Variants in NMNAT3 observed in about 807,000 individuals in gnomAD.
The protein encoded by NMNAT3 is nicotinamide/nicotinic acid mononucleotide adenylyltransferase 3.
In NMNAT3, 21 loss-of-function variants were observed where a neutral mutation model predicts 24.8. That is an observed-to-expected ratio of 0.85 (90% confidence interval 0.60 to 1.22). The LOEUF (loss-of-function observed/expected upper bound fraction) is 1.22, where lower values mean the gene tolerates loss of function less well. Ranked by LOEUF, NMNAT3 falls within the 50% of genes most tolerant of loss-of-function variation. NMNAT3 has a pLI of 0.00. For synonymous variants in NMNAT3, 136 were observed against 155.2 expected (o/e 0.88, Z 0.92); for missense variants, 387 against 436.6 (o/e 0.89, Z 1.01).
chr3:139,591,431 AAGC>A (rs1467232004), intron 3 of NMNAT3, among the ~76,000 whole-genome samples: 1 of 152,108 alleles, frequency 6.6e-6, no homozygotes, highest in Non-Finnish European at 1.5e-5. Flanking sequence ...TAGGTAAACA[AAGC>A]AGCCGGGAAG....
At chr3:139,673,451 T>A (rs189493809) in intron 1 of NMNAT3, among the ~76,000 whole-genome samples, 1 of 152,154 alleles carries the variant, frequency 6.6e-6, no homozygotes. Context: ...TTACCAGGAT[T>A]TATAGAAAAA....
At chr3:139,674,566 C>G (rs1383199138) in intron 1 of NMNAT3, among the ~76,000 whole-genome samples, 1 of 152,202 alleles carries the variant, frequency 6.6e-6, no homozygotes, top group Admixed American at 6.5e-5. Flanking sequence ...TGATAAAATA[C>G]CTGAACTTGA....
intron 1 of NMNAT3, among the ~76,000 whole-genome samples, chr3:139,649,651 C>T (rs780842765): frequency 2.6e-5 from 4 of 152,140 alleles, no homozygotes; most frequent in Non-Finnish European, 2.9e-5. Context: ...AGCTATTGTA[C>T]GCAGCCCTCC....
Position 139,579,106 on chromosome 3 carries a change from C to T in NMNAT3, c.392-51G>A, listed in dbSNP as rs536792700. ...GCACATACAGACAGATGCTCACCACCTGGCAGCCTGAATTCAGGCAGGTGC... is the reference window on the plus strand; with the variant it reads ...GCACATACAGACAGATGCTCACCACTTGGCAGCCTGAATTCAGGCAGGTGC... On this transcript the variant is annotated intron_variant, in intron 4 of 6. Coordinates refer to ENST00000643695, the MANE Select transcript of NMNAT3 (RefSeq NM_001320510.2). 1.4e-4 allele frequency: 208 copies of T among 1,502,226 alleles called. 1 individual carries two copies. In the South Asian group the frequency reaches 2.4e-3, roughly 18 times the overall value. 93.1% of individuals were successfully genotyped at this position (1,502,226 alleles called of 1,614,324 possible).
rs576425248 is a variant in NMNAT3 at position 139,655,288 on chromosome 3, G to A, written c.-140-17226C>T. ...ACGGTGGTGGCTGGTAAGCCTCTGCGTGGTTTTATGCAAGAGAGTGATCAG... is the reference window on the plus strand; with the variant it reads ...ACGGTGGTGGCTGGTAAGCCTCTGCATGGTTTTATGCAAGAGAGTGATCAG... On this transcript the variant is annotated intron_variant, in intron 1 of 6. Transcript: ENST00000643695. Among the ~76,000 whole-genome samples, 12 of 152,268 alleles carry A rather than the reference G, an allele frequency of 7.9e-5. No individual in the cohort carries two copies. In the South Asian group the frequency reaches 2.5e-3, roughly 32 times the overall value.
At chr3:139,589,004 G>C (rs536614723) in intron 3 of NMNAT3, among the ~76,000 whole-genome samples, 30 of 152,230 alleles carry the variant, frequency 2.0e-4, no homozygotes, top group Non-Finnish European at 3.2e-4. Flanking sequence ...CCTGCATTTA[G>C]GGCCTGATCT....
chr3:139,583,156 A>G lies in NMNAT3; in HGVS notation c.162T>C (p.Ser54=). ...GAAAAGAAATATCTTTTATTGAGATAGACTGAGGTCCAGGAAAAACAAGTG... is the reference window on the plus strand; with the variant it reads ...GAAAAGAAATATCTTTTATTGAGATGGACTGAGGTCCAGGAAAAACAAGTG... Residue 54 remains serine (S), a synonymous_variant, in exon 4 of 7, where the codon TCT becomes TCC. Transcript: ENST00000643695. 7.4e-7 allele frequency: 1 copy of G among 1,349,428 alleles called. No individual in the cohort carries two copies. Among genetic ancestry groups the G allele is most frequent in the Non-Finnish European group, 1.1e-6 (1 of 946,804 alleles). 83.6% of individuals were successfully genotyped at this position (1,349,428 alleles called of 1,614,324 possible). A position where few individuals can be genotyped will look rare whatever the true frequency, so the allele number is the denominator to read the frequency against.
At chr3:139,563,794 C>T (rs779449208) in intron 6 of NMNAT3, among the ~76,000 whole-genome samples, 9 of 152,086 alleles carry the variant, frequency 5.9e-5, no homozygotes, top group African/African-American at 1.7e-4. Context: ...ATTTTTAGAC[C>T]GAGTGACTCT....
chr3:139,564,490 C>T (rs1936878453), intron 6 of NMNAT3, among the ~76,000 whole-genome samples: 1 of 152,194 alleles, frequency 6.6e-6, no homozygotes, highest in African/African-American at 2.4e-5. Flanking sequence ...GCCACCTTCA[C>T]AAAAGACAGA....
chr3:139,560,893 T>C lies in NMNAT3; in HGVS notation c.*117A>G. ...AGACTCCTCAGAAGTAGAATCACTG[T>C]AGAAATAAAGCAAATGAAAAATGGA... is the stretch of plus-strand genomic sequence containing the variant. On this transcript the variant is annotated 3_prime_UTR_variant, in exon 7 of 7. Transcript: ENST00000643695. 9.7e-7 allele frequency: 1 copy of C among 1,027,114 alleles called. No individual in the cohort carries two copies. Among genetic ancestry groups the C allele is most frequent in the Non-Finnish European group, 1.4e-6 (1 of 694,568 alleles). 63.6% of individuals were successfully genotyped at this position (1,027,114 alleles called of 1,614,324 possible).
intron 3 of NMNAT3, among the ~76,000 whole-genome samples, chr3:139,592,461 A>G (rs2054241830): frequency 6.6e-6 from 1 of 152,232 alleles, no homozygotes; most frequent in Non-Finnish European, 1.5e-5. Context: ...TTCAGGAAAT[A>G]CAGAGAACTC....
intron 1 of NMNAT3, among the ~76,000 whole-genome samples, chr3:139,667,980 G>GT (rs1312944678): frequency 1.1e-4 from 16 of 152,344 alleles, no homozygotes; most frequent in African/African-American, 3.8e-4. Context: ...GGGAAAGGAT[G>GT]TGATAGAGAT....
In NMNAT3 at chr3:139,582,973, G is replaced by A; in HGVS notation, c.345C>T (p.Ser115=). The A allele has an allele frequency of 1.3e-6, 2 of 1,564,696 alleles. No individual in the cohort carries two copies. Among genetic ancestry groups the A allele is most frequent in the Non-Finnish European group, 1.7e-6 (2 of 1,158,966 alleles). ...ATATTTTGTTTGTTTGGTTCCAGGTGCTATCTATAAATATAATTTTTTTCA... is the reference window on the plus strand; with the variant it reads ...ATATTTTGTTTGTTTGGTTCCAGGTACTATCTATAAATATAATTTTTTTCA... The change falls in exon 4 of 7, where the codon AGC becomes AGT. Residue 115 remains serine, a synonymous_variant. Transcript: ENST00000643695.
At chr3:139,664,558 A>G (rs951629335) in intron 1 of NMNAT3, among the ~76,000 whole-genome samples, 3 of 152,202 alleles carry the variant, frequency 2.0e-5, no homozygotes, top group African/African-American at 4.8e-5. Context: ...AATGAAGCCA[A>G]CTCAGTGGTA....
intron 3 of NMNAT3, among the ~76,000 whole-genome samples, chr3:139,617,105 T>G (rs2055542830): frequency 6.6e-6 from 1 of 152,122 alleles, no homozygotes; most frequent in South Asian, 2.1e-4. Context: ...TCCTTAACAT[T>G]CTCAGAAAAA....
At chr3:139,596,153 G>A (rs2054445227) in intron 3 of NMNAT3, among the ~76,000 whole-genome samples, 1 of 152,152 alleles carries the variant, frequency 6.6e-6, no homozygotes, top group Admixed American at 6.5e-5. Context: ...GCCTTTTCCA[G>A]AAAGGTCTAT....
chr3:139,590,796 T>A (rs539414586), intron 3 of NMNAT3, among the ~76,000 whole-genome samples: 2 of 152,220 alleles, frequency 1.3e-5, no homozygotes, highest in Non-Finnish European at 2.9e-5. Flanking sequence ...ATTTTGTATT[T>A]TTTTATACTT....
intron 5 of NMNAT3, chr3:139,575,604 T>C: frequency 9.9e-7 from 1 of 1,008,758 alleles, no homozygotes; most frequent in East Asian, 1.0e-4. Flanking sequence ...TAGTTCAGGT[T>C]GACCCTACTT....
At chr3:139,603,602 A>C (rs2054809740) in intron 3 of NMNAT3, among the ~76,000 whole-genome samples, 1 of 150,498 alleles carries the variant, frequency 6.6e-6, no homozygotes, top group Non-Finnish European at 1.5e-5. Flanking sequence ...TAATAGCACC[A>C]CTACCATCCT....
Sources: gnomAD v4.1 joint callset for allele counts (sites outside exome capture counted in the v4.1 genomes callset) on GRCh38, gnomAD v4.1.1 for gene constraint, MANE v1.5 for transcripts, NCBI Gene and HGNC (gene_info 2026-07-23, HGNC 2026-07-21) for gene names.